GPNMB: variants seen among roughly 807,000 people sequenced by gnomAD.
The protein encoded by GPNMB is glycoprotein nmb.
In GPNMB, 71 loss-of-function variants were observed where a neutral mutation model predicts 57.3. The ratio of observed to expected loss-of-function variants is 1.24; its 90% CI spans 1.02 to 1.51. The LOEUF (loss-of-function observed/expected upper bound fraction) is 1.51, where lower values mean the gene tolerates loss of function less well. Among genes scored for constraint, GPNMB ranks in the 40% most tolerant of loss-of-function variants. GPNMB has a pLI of 0.00. For synonymous variants in GPNMB, 253 were observed against 263.2 expected, an observed-to-expected ratio of 0.96 and a Z score of 0.38; for missense variants, 677 against 691.9, an observed-to-expected ratio of 0.98 and a Z score of 0.24.
In GPNMB at chr7:23,269,629, A is replaced by C. The variant is rs542351970; in HGVS notation, c.1221-338A>C. ...TCTGCCTAACACCCAAGCTATCTGC[A>C]TCTTCGAACATTCTAGGGATGTAGA... On this transcript the variant is annotated intron_variant, in intron 8 of 10. Transcript: ENST00000258733. 2.6e-5 allele frequency among the ~76,000 whole-genome samples: 4 copies of C among 152,234 alleles called. No homozygotes were observed. The East Asian group carries it at 7.7e-4, about 29-fold the overall frequency.
chr7:23,267,977 C>T lies in GPNMB; in HGVS notation c.1209C>T (p.Thr403=), dbSNP rs746371384. Residue 403 remains threonine (T), a synonymous_variant, in exon 8 of 11, where the codon ACC becomes ACT. Transcript: ENST00000258733. ...GCTCCCTAATAGACTTTGTCGTGAC[C>T]TGCCAAGGGAGGTGAGTATATTATC... ...PESSLIDFVV[T]CQGSIPTEVC... The T allele has an allele frequency of 6.2e-7, 1 of 1,607,060 alleles. No individual in the cohort carries two copies. Among genetic ancestry groups the T allele is most frequent in the South Asian group, 1.1e-5 (1 of 90,910 alleles).
intron 2 of GPNMB, 65 bp from the exon 3 acceptor site, chr7:23,254,104 C>G: frequency 6.6e-7 from 1 of 1,507,762 alleles, no homozygotes; most frequent in Non-Finnish European, 9.0e-7. Context: ...AAAGTTAGCT[C>G]TAAATGTTTA....
intron 3 of GPNMB, among the ~76,000 whole-genome samples, chr7:23,255,250 C>T (rs899205255): frequency 1.3e-5 from 2 of 152,138 alleles, no homozygotes; most frequent in African/African-American, 4.8e-5. Flanking sequence ...AACATTTGAC[C>T]TCGTGGTCCG....
At chr7:23,247,237 C>T (rs1782553439) in intron 1 of GPNMB, 1 of 382,352 alleles carries the variant, frequency 2.6e-6, no homozygotes, top group Non-Finnish European at 5.0e-6. Context: ...GGACAGCCTC[C>T]GGCCACAGAA....
At chr7:23,264,970 C>T (rs1006840116) in intron 6 of GPNMB, among the ~76,000 whole-genome samples, 1 of 152,198 alleles carries the variant, frequency 6.6e-6, no homozygotes, top group Non-Finnish European at 1.5e-5. Flanking sequence ...TCATCTGAAT[C>T]TCAGGACAGA....
At chr7:23,268,139 T>C in intron 8 of GPNMB, 151 bp downstream of exon 8, 2 of 608,264 alleles carry the variant, frequency 3.3e-6, no homozygotes, top group Non-Finnish European at 5.9e-6. Context: ...GACAGGAAGG[T>C]CCCTAGGAGG....
intron 9 of GPNMB, 65 bp from the exon 10 acceptor site, chr7:23,273,456 G>A: frequency 1.0e-6 from 1 of 979,902 alleles, no homozygotes; most frequent in East Asian, 2.4e-5. Flanking sequence ...TTATTTAATG[G>A]CATTATAAGC....
intron 3 of GPNMB, among the ~76,000 whole-genome samples, chr7:23,254,920 C>A (rs1450075924): frequency 6.6e-6 from 1 of 152,130 alleles, no homozygotes; most frequent in South Asian, 2.1e-4. Context: ...CCTGTAATCC[C>A]AGCACTTTGA....
At chr7:23,267,778 T>C (rs533454955) in intron 7 of GPNMB, 108 bp from the exon 8 acceptor site, 1 of 812,902 alleles carries the variant, frequency 1.2e-6, no homozygotes, top group African/African-American at 1.7e-5. Context: ...TTTCAACATA[T>C]GAATTTCGGA....
At chr7:23,271,146 C>G (rs929342634) in intron 9 of GPNMB, among the ~76,000 whole-genome samples, 1 of 152,238 alleles carries the variant, frequency 6.6e-6, no homozygotes, top group South Asian at 2.1e-4. Context: ...TGCAACCTAG[C>G]TCTCTCGCAT....
intron 9 of GPNMB, 47 bp downstream of exon 9, chr7:23,270,222 A>C: frequency 7.7e-7 from 1 of 1,302,702 alleles, no homozygotes; most frequent in Non-Finnish European, 1.1e-6. Context: ...CTGCAAGTAA[A>C]GTGTGTATCC....
rs1048042045 is a variant in GPNMB, at chr7:23,255,791, C to T, written c.368-1101C>T. ...TAATCATACACATTTCTGGGCTATG[C>T]GTGTTATTTTGATACATGCATACAA... On this transcript the variant is annotated intron_variant, in intron 3 of 10. Coordinates refer to ENST00000258733, the MANE Select transcript of GPNMB (RefSeq NM_002510.3). 4.6e-5 allele frequency among the ~76,000 whole-genome samples: 7 copies of T among 152,168 alleles called. No homozygotes were observed. In the East Asian group the frequency reaches 1.2e-3, roughly 25 times the overall value.
At position 23,256,390 on chromosome 7, in the gene GPNMB, T is replaced by C. The variant is rs539057874; in HGVS notation, c.368-502T>C. 2.5e-3 allele frequency among the ~76,000 whole-genome samples: 374 copies of C among 152,304 alleles called. 2 individuals carry two copies. Among genetic ancestry groups the C allele is most frequent in the Non-Finnish European group, 3.7e-3 (251 of 68,026 alleles). On this transcript the variant is annotated intron_variant, in intron 3 of 10. Transcript: ENST00000258733. ...GAGACAGAAAGAGGGATTTTAAAAA[T>C]CATTTAAAGCATCAAAAATAGCCAA...
intron 1 of GPNMB, among the ~76,000 whole-genome samples, chr7:23,250,037 C>T (rs1274010620): frequency 6.6e-6 from 1 of 152,140 alleles, no homozygotes; most frequent in Non-Finnish European, 1.5e-5. Context: ...TGTTGAATAT[C>T]TTCTTGTGTG....
chr7:23,254,656 A>G (rs982758303), intron 3 of GPNMB, among the ~76,000 whole-genome samples: 3 of 152,232 alleles, frequency 2.0e-5, no homozygotes, highest in African/African-American at 7.2e-5. Flanking sequence ...TGGCTACTCA[A>G]AGAATAGCCA....
At chr7:23,273,736 T>C in intron 10 of GPNMB, 122 bp downstream of exon 10, 1 of 673,844 alleles carries the variant, frequency 1.5e-6, no homozygotes, top group Admixed American at 2.7e-5. Context: ...GGGAGGAAAA[T>C]ATTACATTGA....
At chr7:23,256,548 A>G (rs1049642887) in intron 3 of GPNMB, among the ~76,000 whole-genome samples, 6 of 152,214 alleles carry the variant, frequency 3.9e-5, no homozygotes, top group African/African-American at 1.4e-4. Flanking sequence ...AAAAACCTAC[A>G]GAAAGAGGTG....
At chr7:23,259,181 C>T (rs1186214141) in intron 4 of GPNMB, among the ~76,000 whole-genome samples, 2 of 151,710 alleles carry the variant, frequency 1.3e-5, no homozygotes, top group African/African-American at 2.4e-5. Context: ...TCATCACTTA[C>T]GGGATTTTTA....
intron 8 of GPNMB, among the ~76,000 whole-genome samples, chr7:23,269,454 C>T (rs1783146145): frequency 6.6e-6 from 1 of 152,154 alleles, no homozygotes; most frequent in African/African-American, 2.4e-5. Context: ...ATCTAAAACT[C>T]ACTCAGAACA....
Sources: allele counts gnomAD v4.1 joint callset (sites outside exome capture counted in the v4.1 genomes callset), GRCh38; gene constraint gnomAD v4.1.1; transcripts MANE v1.5; gene names NCBI Gene and HGNC (gene_info 2026-07-23, HGNC 2026-07-21).